PRDM2: variants seen among roughly 807,000 people sequenced by gnomAD.
PRDM2 encodes PR/SET domain 2.
A neutral mutation model predicts 130.0 loss-of-function variants in PRDM2; 30 were observed. That is an observed-to-expected ratio of 0.23 (90% CI 0.17 to 0.31). The LOEUF is 0.31. Among genes scored for constraint, PRDM2 ranks in the 10% least tolerant of loss-of-function variants. The probability of loss-of-function intolerance (pLI) is 1.00; values close to 1 mark genes in which losing one functional copy is unlikely to be tolerated. For missense variants in PRDM2, 2,011 were observed against 2,108.4 expected (o/e 0.95, Z 0.90); for synonymous variants, 871 against 782.4 (o/e 1.11, Z -1.89).
At chr1:13,716,147 G>A (rs551600504) in intron 2 of PRDM2, among the ~76,000 whole-genome samples, 1 of 152,078 alleles carries the variant, frequency 6.6e-6, no homozygotes, top group South Asian at 2.1e-4. Context: ...CATGTCCTTT[G>A]TAGGGACATG....
chr1:13,780,257 A>C lies in PRDM2; in HGVS notation c.2462A>C (p.Gln821Pro). The change falls in exon 8 of 10, where the codon CAG becomes CCG. Residue 821 changes from glutamine (Q) to proline (P), a missense_variant. By Grantham distance (76) the Gln-to-Pro change is moderately conservative (BLOSUM62 -1). This residue lies in a region of PRDM2 where 1,288 missense variants were observed against 1,237.7 expected (regional missense o/e 1.04). Coordinates refer to ENST00000311066, the MANE Select transcript of PRDM2 (RefSeq NM_001393986.1). ...TCTGCTTTTAGCAGTGTGTGCAACC[A>C]GCAGCCACTGGATTTATCCAGCGGT... Reference protein sequence around the residue: ...ASSAFSSVCNQQPLDLSSGVK... With the variant: ...ASSAFSSVCNPQPLDLSSGVK... The C allele has an allele frequency of 6.2e-7, 1 of 1,613,892 alleles. No homozygotes were observed. Among genetic ancestry groups the C allele is most frequent in the African/African-American group, 1.3e-5 (1 of 75,044 alleles).
intron 6 of PRDM2, among the ~76,000 whole-genome samples, chr1:13,753,949 A>G (rs1033776431): frequency 4.6e-5 from 7 of 152,202 alleles, no homozygotes; most frequent in Admixed American, 3.3e-4. Flanking sequence ...CCCTGTTCAC[A>G]TGGAATCACA....
chr1:13,776,792 T>G (rs530153281), intron 7 of PRDM2, among the ~76,000 whole-genome samples: 7 of 152,288 alleles, frequency 4.6e-5, no homozygotes, highest in African/African-American at 1.7e-4. Context: ...GTTCTCTGGA[T>G]ACCTCACTGG....
chr1:13,808,199 A>G (rs1218219834), intron 8 of PRDM2, among the ~76,000 whole-genome samples: 1 of 152,190 alleles, frequency 6.6e-6, no homozygotes, highest in Non-Finnish European at 1.5e-5. Context: ...TTCTAAAAAC[A>G]GTTGATGCTG....
chr1:13,804,709 C>A (rs557838983), intron 8 of PRDM2, among the ~76,000 whole-genome samples: 1 of 152,158 alleles, frequency 6.6e-6, no homozygotes, highest in East Asian at 1.9e-4. Context: ...CTGAAACCAA[C>A]GAAATCAGAA....
At chr1:13,777,879 T>C (rs986939937) in intron 7 of PRDM2, among the ~76,000 whole-genome samples, 1 of 151,910 alleles carries the variant, frequency 6.6e-6, no homozygotes. Context: ...TGTGATTACA[T>C]GATTCTGGAA....
chr1:13,782,694 A>G lies in PRDM2; in HGVS notation c.4899A>G (p.Arg1633=), dbSNP rs1310680873. The change falls in exon 8 of 10, where the codon AGA becomes AGG. Residue 1633 remains arginine (R), a synonymous_variant. Coordinates refer to ENST00000311066, the MANE Select transcript of PRDM2 (RefSeq NM_001393986.1). ...QSKSTLASKK[R]TDRFNIKSRE... is the part of the protein sequence containing the mutation. ...AATCCACCTTGGCGAGTAAGAAAAG[A>G]ACAGACCGGTTCAATATAAAATCTA... 1 of 1,614,048 alleles carries G rather than the reference A, an allele frequency of 6.2e-7. No individual in the cohort carries two copies. The highest frequency in any genetic ancestry group is 1.7e-5 in the Admixed American group (1 of 60,008).
rs768758826 is a variant in PRDM2 at position 13,778,602 on chromosome 1, GGAGGAGGAGGAA to G, written c.819_830del (p.Glu273_Glu276del). 3.1e-5 allele frequency: 50 copies of G among 1,603,070 alleles called. No individual in the cohort carries two copies. Among genetic ancestry groups the G allele is most frequent in the East Asian group, 4.5e-5 (2 of 44,716 alleles). ...GTGAGGTGAATGATTTGGGGGAAGA[GGAGGAGGAGGAA>G]GAGGAGGAGGATGAAGAAGAAGAAG... On this transcript the variant is annotated inframe_deletion, in exon 8 of 10. Coordinates refer to ENST00000311066, the MANE Select transcript of PRDM2 (RefSeq NM_001393986.1).
chr1:13,766,566 C>T (rs982267620), intron 6 of PRDM2, among the ~76,000 whole-genome samples: 5 of 152,168 alleles, frequency 3.3e-5, no homozygotes, highest in Non-Finnish European at 5.9e-5. Flanking sequence ...CACAACCCAC[C>T]TTGGTGAGTT....
At position 13,780,655 on chromosome 1, in the gene PRDM2, C is replaced by G; in HGVS notation, c.2860C>G (p.Pro954Ala). The part of the protein sequence containing the change: ...VCPSSPALQT[P>A]SLSSGQLPPL... ...TCCTTCATCACCTGCCCTGCAGACA[C>G]CCTCCCTTTCATCCGGTCAGCTGCC... The change falls in exon 8 of 10, where the codon CCC becomes GCC. Residue 954 changes from proline to alanine, a missense_variant. By Grantham distance (27) the Pro-to-Ala change is conservative. This residue lies in a region of PRDM2 where 1,288 missense variants were observed against 1,237.7 expected (regional missense o/e 1.04). Coordinates refer to ENST00000311066, the MANE Select transcript of PRDM2 (RefSeq NM_001393986.1). The G allele has an allele frequency of 6.2e-7, 1 of 1,612,742 alleles. No individual in the cohort carries two copies. The highest frequency in any genetic ancestry group is 2.2e-5 in the East Asian group (1 of 44,850).
At chr1:13,768,074 GT>G (rs774757778) in intron 6 of PRDM2, among the ~76,000 whole-genome samples, 244 of 117,730 alleles carry the variant, frequency 2.1e-3, no homozygotes, top group Middle Eastern at 5.0e-3. Flanking sequence ...TTGTCCTTGA[GT>G]TTTTTTTTTT....
rs148293494 is a variant in PRDM2 at position 13,779,900 on chromosome 1, C to CTCT, written c.2107_2108insTTC (p.Thr702_Pro703insLeu). On this transcript the variant is annotated inframe_insertion, in exon 8 of 10. Transcript: ENST00000311066. This position sits in a 1 kb window ranked among gnomAD's most constrained non-coding sequence, Gnocchi z 4.9. Reference sequence around the variant, plus strand: ...CTTCTTCAAACCCAAGATAAACTAACTCCTGCAGGGATTTCAGCAACTGAA... The same window carrying CTCT: ...CTTCTTCAAACCCAAGATAAACTAACTCTTCCTGCAGGGATTTCAGCAACTGAA... The CTCT allele has an allele frequency of 6.6e-7, 1 of 1,504,720 alleles. No homozygotes were observed. The highest frequency in any genetic ancestry group is 2.4e-5 in the African/African-American group (1 of 40,876). 93.2% of individuals were successfully genotyped at this position (1,504,720 alleles called of 1,614,324 possible). A position where few individuals can be genotyped will look rare whatever the true frequency, so the allele number is the denominator to read the frequency against.
intron 8 of PRDM2, among the ~76,000 whole-genome samples, chr1:13,786,011 TG>T (rs1397554639): frequency 1.3e-5 from 2 of 151,712 alleles, no homozygotes; most frequent in Non-Finnish European, 2.9e-5. Context: ...GCTAATTTTT[TG>T]TATTTTTAGT....
intron 6 of PRDM2, among the ~76,000 whole-genome samples, chr1:13,754,631 C>T (rs1334674407): frequency 6.6e-6 from 1 of 152,204 alleles, no homozygotes; most frequent in Non-Finnish European, 1.5e-5. Flanking sequence ...GACGGGCTTC[C>T]GTGGAGTTTG....
chr1:13,807,396 C>T (rs77815537), intron 8 of PRDM2, among the ~76,000 whole-genome samples: 2,431 of 152,284 alleles, frequency 0.016, 49 homozygotes, highest in South Asian at 0.091. Context: ...GCCTCCAATG[C>T]GCCCCCTCAT....
At chr1:13,751,224 G>A (rs1643825967) in intron 6 of PRDM2, among the ~76,000 whole-genome samples, 1 of 152,046 alleles carries the variant, frequency 6.6e-6, no homozygotes, top group South Asian at 2.1e-4. Flanking sequence ...TTATACCTGC[G>A]TAGACTGTTG....
At chr1:13,720,828 G>T (rs903613072) in intron 2 of PRDM2, among the ~76,000 whole-genome samples, 18 of 152,154 alleles carry the variant, frequency 1.2e-4, no homozygotes, top group African/African-American at 4.1e-4. Flanking sequence ...TTAAAGATGA[G>T]AATTTAGGAT....
chr1:13,755,981 A>G (rs1270776479), intron 6 of PRDM2, among the ~76,000 whole-genome samples: 1 of 151,738 alleles, frequency 6.6e-6, no homozygotes, highest in East Asian at 1.9e-4. Context: ...GCTGGGCGCA[A>G]TGGCTCACAC....
Position 13,779,858 on chromosome 1 carries a change from C to T in PRDM2, c.2063C>T (p.Ser688Leu). 1.9e-6 allele frequency: 3 copies of T among 1,613,674 alleles called. No homozygotes were observed. The highest frequency in any genetic ancestry group is 2.5e-6 in the Non-Finnish European group (3 of 1,180,004). The change falls in exon 8 of 10, where the codon TCA becomes TTA. Residue 688 changes from serine to leucine, a missense_variant. Ser to Leu is a moderately radical substitution (Grantham distance 145). Coordinates refer to ENST00000311066, the MANE Select transcript of PRDM2 (RefSeq NM_001393986.1). The surrounding 1 kb of genome is among the most constrained non-coding windows in gnomAD (Gnocchi z 4.9). Reference protein sequence around the residue: ...SFHKEKSVYLSSKLKQLLQTQ... With the variant: ...SFHKEKSVYLLSKLKQLLQTQ... ...CACAAAGAGAAAAGTGTTTATTTGT[C>T]ATCAAAGCTCAAACAACTTCTTCAA...
Sources: gnomAD v4.1 joint callset for allele counts (sites outside exome capture counted in the v4.1 genomes callset) on GRCh38, gnomAD v4.1.1 for gene constraint, gnomAD v4.1.1 regional missense constraint, Gnocchi (gnomAD v3.1) non-coding constraint, MANE v1.5 for transcripts, NCBI Gene and HGNC (gene_info 2026-07-23, HGNC 2026-07-21) for gene names.